The following CDC42 variants were observed in gnomAD, a reference collection of about 807,000 sequenced individuals.
CDC42 encodes cell division control protein 42 homolog.
Under a neutral mutation model 20.8 loss-of-function variants are expected in CDC42, and 1 was observed. That is an observed-to-expected ratio of 0.05 (90% CI 0.02 to 0.23). CDC42 has a LOEUF of 0.23. Among genes scored for constraint, CDC42 ranks in the 10% least tolerant of loss-of-function variants. The probability of loss-of-function intolerance (pLI) is 1.00; values close to 1 mark genes in which losing one functional copy is unlikely to be tolerated. For missense variants in CDC42, 49 were observed against 227.9 expected (o/e 0.21, Z 5.05); for synonymous variants, 72 against 84.8 (o/e 0.85, Z 0.83).
rs1415866474 is a variant in CDC42 at position 22,099,023 on chromosome 1, G to C, written c.*7506G>C. 1.3e-5 allele frequency among the ~76,000 whole-genome samples: 2 copies of C among 152,154 alleles called. No homozygotes were observed. The highest frequency in any genetic ancestry group is 1.3e-4 in the Admixed American group (2 of 15,274). ...CCCACCTCGGCCTCCCAACGTGCTG[G>C]GATTACAGGCATTAGCCACTGTGCC... On this transcript the variant is annotated 3_prime_UTR_variant, in exon 6 of 6. Transcript: ENST00000656825.
intron 1 of CDC42, among the ~76,000 whole-genome samples, chr1:22,065,773 GGGC>G (rs1234384646): frequency 6.6e-6 from 1 of 151,606 alleles, no homozygotes; most frequent in African/African-American, 2.4e-5. Context: ...TTTTTTTGGG[GGGC>G]GGGGGAGGGG....
At position 22,098,865 on chromosome 1, in the gene CDC42, C is replaced by A. The variant is rs893850244; in HGVS notation, c.*7348C>A. Among the ~76,000 whole-genome samples, 3 of 152,120 alleles carry A rather than the reference C, an allele frequency of 2.0e-5. No homozygotes were observed. Among genetic ancestry groups the A allele is most frequent in the African/African-American group, 7.2e-5 (3 of 41,426 alleles). On this transcript the variant is annotated 3_prime_UTR_variant, in exon 6 of 6. Coordinates refer to ENST00000656825, the MANE Select transcript of CDC42 (RefSeq NM_001791.4). ...CCTTGACCTCCCCAGCTCAAGCGAT[C>A]CTCCCGCCTCAGCCTCCCGAGTAGA...
chr1:22,087,847 T>C (rs964899521), intron 5 of CDC42, among the ~76,000 whole-genome samples: 6 of 152,226 alleles, frequency 3.9e-5, no homozygotes, highest in African/African-American at 1.4e-4. Context: ...AAATGGCATA[T>C]ATGATTACTT....
At chr1:22,074,588 A>G (rs1048699959) in intron 1 of CDC42, among the ~76,000 whole-genome samples, 1 of 151,998 alleles carries the variant, frequency 6.6e-6, no homozygotes, top group African/African-American at 2.4e-5. Context: ...AAAAAAATTA[A>G]GAAAAAAAGA....
chr1:22,060,968 TA>T (rs1645356196), intron 1 of CDC42, among the ~76,000 whole-genome samples: 1 of 152,220 alleles, frequency 6.6e-6, no homozygotes, highest in Admixed American at 6.5e-5. Flanking sequence ...CTGTTCATCA[TA>T]GGGGCAAAGG....
At chr1:22,078,779 C>T in intron 2 of CDC42, 196 bp downstream of exon 2, 2 of 1,466,426 alleles carry the variant, frequency 1.4e-6, no homozygotes, top group Non-Finnish European at 1.8e-6. Flanking sequence ...GAAGGGGTGA[C>T]ACAGGGTTTG....
At chr1:22,054,916 TATATA>T (rs1374698706) in intron 1 of CDC42, among the ~76,000 whole-genome samples, 2,171 of 15,774 alleles carry the variant, frequency 0.14, 57 homozygotes, top group East Asian at 0.29. Flanking sequence ...TATATATATA[TATATA>T]TTTTTTTTTT....
rs960716798 is a variant in CDC42, at chr1:22,100,050, A to G, written c.*8533A>G. Among the ~76,000 whole-genome samples the G allele has an allele frequency of 3.2e-5, 4 of 126,388 alleles. No individual in the cohort carries two copies. Among genetic ancestry groups the G allele is most frequent in the Non-Finnish European group, 6.4e-5 (4 of 62,762 alleles). 82.9% of individuals were successfully genotyped at this position (126,388 alleles called of 152,430 possible). A position where few individuals can be genotyped will look rare whatever the true frequency, so the allele number is the denominator to read the frequency against. On this transcript the variant is annotated 3_prime_UTR_variant, in exon 6 of 6. Transcript: ENST00000656825. ...TCTTCTTTTTTTTTTTTTTTGTATA[A>G]TAGGCCTGTGAGTTGGGAAGAGCAG... is the stretch of plus-strand genomic sequence containing the variant.
Position 22,078,405 on chromosome 1 carries a change from C to A in CDC42, c.-50-24C>A, listed in dbSNP as rs575366184. The A allele has an allele frequency of 4.3e-6, 5 of 1,160,804 alleles. No individual in the cohort carries two copies. In the East Asian group the frequency reaches 1.2e-4, roughly 28 times the overall value. 71.9% of individuals were successfully genotyped at this position (1,160,804 alleles called of 1,614,324 possible). ...AAATCCATATGTAAGTATAAATAAA[C>A]AAATGTCTTTAATCTTTTTGCAGGT... On this transcript the variant is annotated intron_variant, in intron 1 of 5. Coordinates refer to ENST00000656825, the MANE Select transcript of CDC42 (RefSeq NM_001791.4).
In CDC42 at chr1:22,083,202, C is replaced by T. The variant is rs547708439; in HGVS notation, c.178+1408C>T. Among the ~76,000 whole-genome samples, 233 of 152,146 alleles carry T rather than the reference C, an allele frequency of 1.5e-3. 1 individual carries two copies. Among genetic ancestry groups the T allele is most frequent in the Middle Eastern group, 6.8e-3 (2 of 294 alleles). ...GGCGAGAAAAGATAATTTATGGCTA[C>T]TTGTGGTTGAAAATTAGTATTTTCA... On this transcript the variant is annotated intron_variant, in intron 3 of 5. Coordinates refer to ENST00000656825, the MANE Select transcript of CDC42 (RefSeq NM_001791.4).
chr1:22,065,972 C>T (rs189789207), intron 1 of CDC42, among the ~76,000 whole-genome samples: 2 of 152,226 alleles, frequency 1.3e-5, no homozygotes, highest in African/African-American at 4.8e-5. Context: ...GTTGGCTAGG[C>T]TTGTCTTGAG....
intron 1 of CDC42, chr1:22,053,504 G>A (rs934804156): frequency 1.3e-5 from 2 of 152,264 alleles, no homozygotes; most frequent in African/African-American, 4.8e-5. Context: ...CTTCCCTTTC[G>A]GGGAGTTACC....
In CDC42 at chr1:22,061,767, G is replaced by A. The variant is rs151310412; in HGVS notation, c.-51+9025G>A. ...CTCCACTTTAGTGGAGACCGTGTTG[G>A]CCAGGCTGGTCTCGAACTCCTGACC... On this transcript the variant is annotated intron_variant, in intron 1 of 5. Transcript: ENST00000656825. Among the ~76,000 whole-genome samples, 633 of 151,298 alleles carry A rather than the reference G, an allele frequency of 4.2e-3. 10 individuals are homozygous for A. Among genetic ancestry groups the A allele is most frequent in the African/African-American group, 0.015 (611 of 41,258 alleles).
intron 2 of CDC42, 65 bp downstream of exon 2, chr1:22,078,648 T>A: frequency 6.4e-7 from 1 of 1,558,248 alleles, no homozygotes; most frequent in South Asian, 1.2e-5. Context: ...TTGAAAACGC[T>A]TTCTCTATGT....
At chr1:22,055,189 G>C (rs1645291391) in intron 1 of CDC42, among the ~76,000 whole-genome samples, 1 of 151,110 alleles carries the variant, frequency 6.6e-6, no homozygotes, top group African/African-American at 2.4e-5. Flanking sequence ...TCCTGACCTC[G>C]TGATCCGCCC....
At chr1:22,072,091 CT>C (rs55929932) in intron 1 of CDC42, among the ~76,000 whole-genome samples, 6,103 of 69,468 alleles carry the variant, frequency 0.088, 56 homozygotes, top group African/African-American at 0.16. Flanking sequence ...TTTTACTTAC[CT>C]TTTTTTTTTT....
In CDC42 at chr1:22,097,583, T is replaced by G. The variant is rs80288086; in HGVS notation, c.*6066T>G. ...AAGTCCGCCTTTCAAAGTTGAGTAC[T>G]GCATTCTTGCGGCTCTACCTAAGTT... On this transcript the variant is annotated 3_prime_UTR_variant, in exon 6 of 6. Coordinates refer to ENST00000656825, the MANE Select transcript of CDC42 (RefSeq NM_001791.4). Among the ~76,000 whole-genome samples the G allele has an allele frequency of 0.014, 2,162 of 152,336 alleles. 28 individuals carry two copies. Among genetic ancestry groups the G allele is most frequent in the South Asian group, 0.025 (121 of 4,830 alleles).
chr1:22,088,683 C>T (rs1645686854), intron 5 of CDC42, among the ~76,000 whole-genome samples: 1 of 152,134 alleles, frequency 6.6e-6, no homozygotes, highest in Non-Finnish European at 1.5e-5. Context: ...AAAGGAATTC[C>T]TTCTTGTTAA....
At chr1:22,085,244 A>AAAAAG (rs56763124) in intron 3 of CDC42, among the ~76,000 whole-genome samples, 33,857 of 135,196 alleles carry the variant, frequency 0.25, 5,691 homozygotes, top group East Asian at 0.51. Flanking sequence ...AAAAAAAAAA[A>AAAAAG]AAAAGAAAAA....
Sources: allele counts gnomAD v4.1 joint callset (sites outside exome capture counted in the v4.1 genomes callset), GRCh38; gene constraint gnomAD v4.1.1; transcripts MANE v1.5; gene names NCBI Gene and HGNC (gene_info 2026-07-23, HGNC 2026-07-21).